The following CAMKK2 variants were observed in gnomAD, a reference collection of about 807,000 sequenced individuals.
The protein encoded by CAMKK2 is calcium/calmodulin dependent protein kinase kinase 2.
A neutral mutation model predicts 67.2 loss-of-function variants in CAMKK2; 30 were observed. That is an observed-to-expected ratio of 0.45 (90% CI 0.33 to 0.61). The LOEUF is 0.61. Among genes scored for constraint, CAMKK2 ranks in the 20% least tolerant of loss-of-function variants. The pLI is 0.02. For missense variants in CAMKK2, 643 were observed against 802.0 expected (o/e 0.80, Z 2.39); for synonymous variants, 322 against 326.2 (o/e 0.99, Z 0.14).
At position 121,249,967 on chromosome 12, in the gene CAMKK2, G is replaced by A. The variant is rs1890339860; in HGVS notation, c.1229C>T (p.Pro410Leu). The A allele has an allele frequency of 1.2e-6, 2 of 1,614,074 alleles. No homozygotes were observed. Among genetic ancestry groups the A allele is most frequent in the Non-Finnish European group, 1.7e-6 (2 of 1,179,956 alleles). The change falls in exon 12 of 17, where the codon CCA becomes CTA. Residue 410 changes from proline to leucine, a missense_variant. Physicochemically the swap from Pro to Leu is moderately conservative, Grantham distance 98 (BLOSUM62 -3). Coordinates refer to ENST00000404169, the MANE Select transcript of CAMKK2 (RefSeq NM_001270485.2). ...SKIKSQALEF[P>L]DQPDIAEDLK... Reference sequence around the variant, plus strand: ...GACGGCGGGAGATACTCACTGGTCTGGAAATTCCAGGGCCTGACTCTTGAT... The same window carrying A: ...GACGGCGGGAGATACTCACTGGTCTAGAAATTCCAGGGCCTGACTCTTGAT...
At position 121,296,179 on chromosome 12, in the gene CAMKK2, G is replaced by A. The variant is rs1317773556; in HGVS notation, c.-60+459C>T. Among the ~76,000 whole-genome samples, 2 of 152,240 alleles carry A rather than the reference G, an allele frequency of 1.3e-5. No individual in the cohort carries two copies. The highest frequency in any genetic ancestry group is 3.9e-4 in the East Asian group (2 of 5,172). The stretch of plus-strand genomic sequence containing the variant: ...TGGTGTCCAAGCCACCAGGGCCTGG[G>A]TTTGCCCCGAGACAGGCAGGCTGCG... On this transcript the variant is annotated intron_variant, in intron 1 of 16. Coordinates refer to ENST00000404169, the MANE Select transcript of CAMKK2 (RefSeq NM_001270485.2). The surrounding 1 kb of genome is among the most constrained non-coding windows in gnomAD (Gnocchi z 7.1).
At chr12:121,263,772 C>A (rs1893951618) in intron 6 of CAMKK2, 34 bp downstream of exon 6, 2 of 1,560,512 alleles carry the variant, frequency 1.3e-6, no homozygotes, top group Admixed American at 1.8e-5. Context: ...AAAGCCAGGG[C>A]CTCCCTCCCT....
intron 1 of CAMKK2, among the ~76,000 whole-genome samples, chr12:121,278,643 C>T (rs1465974344): frequency 7.9e-5 from 12 of 152,216 alleles, no homozygotes; most frequent in East Asian, 1.9e-4. Flanking sequence ...TCCTCATTCT[C>T]GCTGCCTGCT....
At chr12:121,287,742 G>A (rs112169960) in intron 1 of CAMKK2, among the ~76,000 whole-genome samples, 6 of 152,318 alleles carry the variant, frequency 3.9e-5, no homozygotes, top group Admixed American at 2.0e-4. Flanking sequence ...GGCCGAAGCA[G>A]GAAGATCGCT....
At chr12:121,292,719 G>A (rs1052077986) in intron 1 of CAMKK2, among the ~76,000 whole-genome samples, 1 of 152,190 alleles carries the variant, frequency 6.6e-6, no homozygotes, top group Admixed American at 6.5e-5. Flanking sequence ...TCCAATCCCA[G>A]CACTTTGGGA....
intron 1 of CAMKK2, among the ~76,000 whole-genome samples, chr12:121,288,208 T>C (rs1309042154): frequency 6.6e-6 from 1 of 152,126 alleles, no homozygotes; most frequent in Non-Finnish European, 1.5e-5. Flanking sequence ...AACTGGAATT[T>C]CAGTTTGTAA....
chr12:121,244,089 G>T lies in CAMKK2; in HGVS notation c.1596+484C>A, dbSNP rs199769751. The T allele has an allele frequency of 2.5e-5, 41 of 1,610,896 alleles. No individual in the cohort carries two copies. The Admixed American group carries it at 3.5e-4, about 14-fold the overall frequency. On this transcript the variant is annotated intron_variant, in intron 16 of 16. Transcript: ENST00000404169. The stretch of plus-strand genomic sequence containing the variant: ...TCCACTCGGGTGAGGGAACTCTTAC[G>T]TTACTTTGCAACAGGCAGGAAGGGG...
At chr12:121,269,465 T>C in intron 4 of CAMKK2, 63 bp downstream of exon 4, 3 of 1,286,406 alleles carry the variant, frequency 2.3e-6, no homozygotes, top group Non-Finnish European at 2.2e-6. Flanking sequence ...GGAAGCTGAG[T>C]GCTGGAAAGG....
At chr12:121,263,700 T>G in intron 6 of CAMKK2, 106 bp downstream of exon 6, 8 of 1,011,306 alleles carry the variant, frequency 7.9e-6, no homozygotes, top group Non-Finnish European at 1.1e-5. Context: ...AGCCCTGCAG[T>G]GAGCGGTCTG....
intron 2 of CAMKK2, among the ~76,000 whole-genome samples, chr12:121,272,906 G>A (rs985445452): frequency 6.6e-6 from 1 of 151,764 alleles, no homozygotes; most frequent in African/African-American, 2.4e-5. Context: ...CCTTTAGAAA[G>A]GCATCCTGAT....
At chr12:121,247,469 G>A (rs900232402) in intron 14 of CAMKK2, among the ~76,000 whole-genome samples, 1 of 152,208 alleles carries the variant, frequency 6.6e-6, no homozygotes, top group African/African-American at 2.4e-5. Context: ...GAAAGGGAGG[G>A]CAACTGATTC....
intron 1 of CAMKK2, among the ~76,000 whole-genome samples, chr12:121,277,373 T>A (rs1897011158): frequency 6.6e-6 from 1 of 152,142 alleles, no homozygotes. Context: ...CAGCAATTCC[T>A]CTCCTAGGTA....
rs920467565 is a variant in CAMKK2 at position 121,238,784 on chromosome 12, C to G, written c.*1915G>C. 5 of 152,722 alleles carry G rather than the reference C, an allele frequency of 3.3e-5. No individual in the cohort carries two copies. Among genetic ancestry groups the G allele is most frequent in the African/African-American group, 1.2e-4 (5 of 41,466 alleles). The allele number at this position is 152,722 out of a possible 1,614,324, so 9.5% of individuals were successfully genotyped here. On this transcript the variant is annotated 3_prime_UTR_variant, in exon 17 of 17. Transcript: ENST00000404169. ...CCACCAGGCCAGGCCAGAGCCCACA[C>G]AAGCAGGCTGGGCCTAAGACTAGGG... is the stretch of plus-strand genomic sequence containing the variant.
In CAMKK2 at chr12:121,255,800, G is replaced by A. The variant is rs201031410; in HGVS notation, c.801C>T (p.Phe267=). The change falls in exon 8 of 17, where the codon TTC becomes TTT. Residue 267 remains phenylalanine (F), a synonymous_variant. Transcript: ENST00000404169. ...DPNEDHLYMV[F]ELVNQGPVME... ...ACACTCACCCTTGGTTGACCAGTTC[G>A]AACACTGTAGGGAAGAAAAGGGTGA... 238 of 1,613,708 alleles carry A rather than the reference G, an allele frequency of 1.5e-4. 1 individual carries two copies. The highest frequency in any genetic ancestry group is 1.9e-4 in the Non-Finnish European group (226 of 1,179,856).
At chr12:121,263,767 C>G (rs1893949272) in intron 6 of CAMKK2, 39 bp downstream of exon 6, 2 of 1,563,912 alleles carry the variant, frequency 1.3e-6, no homozygotes, top group Non-Finnish European at 1.7e-6. Context: ...TTAACAAAGC[C>G]AGGGCCTCCC....
Position 121,253,437 on chromosome 12 carries a change from G to T in CAMKK2, c.943C>A (p.Pro315Thr). The T allele has an allele frequency of 6.2e-7, 1 of 1,614,222 alleles. No individual in the cohort carries two copies. The highest frequency in any genetic ancestry group is 8.5e-7 in the Non-Finnish European group (1 of 1,180,048). The change falls in exon 10 of 17, where the codon CCT (proline) becomes ACT (threonine). Residue 315 changes from proline to threonine, a missense_variant. Pro to Thr is a conservative substitution (Grantham distance 38). Coordinates refer to ENST00000404169, the MANE Select transcript of CAMKK2 (RefSeq NM_001270485.2). The surrounding 1 kb of genome is among the most constrained non-coding windows in gnomAD (Gnocchi z 5.0). ...YQKIIHRDIK[P>T]SNLLVGEDGH... ...TCTTCTCCGACCAGGAGGTTGGAAG[G>T]TTTGATGTCACGGTGGATGATCTTC...
intron 5 of CAMKK2, among the ~76,000 whole-genome samples, chr12:121,264,973 C>T (rs1182547722): frequency 1.3e-5 from 2 of 150,390 alleles, no homozygotes; most frequent in African/African-American, 4.9e-5. Flanking sequence ...CCTATCAAAA[C>T]AAAAAACAAA....
At chr12:121,278,985 G>A (rs1897271235) in intron 1 of CAMKK2, among the ~76,000 whole-genome samples, 1 of 152,194 alleles carries the variant, frequency 6.6e-6, no homozygotes, top group South Asian at 2.1e-4. Flanking sequence ...CCTCTGATAG[G>A]GCTGCAAGAG....
At position 121,240,455 on chromosome 12, in the gene CAMKK2, G is replaced by T. The variant is rs1888127133; in HGVS notation, c.*244C>A. On this transcript the variant is annotated 3_prime_UTR_variant, in exon 17 of 17. Transcript: ENST00000404169. The surrounding 1 kb of genome is among the most constrained non-coding windows in gnomAD (Gnocchi z 4.4). ...TTGTCCCAAAATGCACGTGGGTTTG[G>T]GTCTGCAACTCCTCACACCCGCCTG... 2 of 1,534,370 alleles carry T rather than the reference G, an allele frequency of 1.3e-6. No individual in the cohort carries two copies. The highest frequency in any genetic ancestry group is 2.4e-5 in the East Asian group (1 of 40,908).
Sources: allele counts gnomAD v4.1 joint callset (sites outside exome capture counted in the v4.1 genomes callset), GRCh38; gene constraint gnomAD v4.1.1; non-coding constraint Gnocchi (gnomAD v3.1); transcripts MANE v1.5; gene names NCBI Gene and HGNC (gene_info 2026-07-23, HGNC 2026-07-21).